TBX6: variants seen among roughly 807,000 people sequenced by gnomAD.
TBX6 encodes the protein T-box transcription factor 6.
Under a neutral mutation model 42.3 loss-of-function variants are expected in TBX6, and 29 were observed. The ratio of observed to expected loss-of-function variants is 0.69; its 90% CI spans 0.51 to 0.93. The LOEUF is 0.93. TBX6 is among the 40% of genes least tolerant of loss of function. The pLI is 0.00. For missense variants in TBX6, 569 were observed against 603.3 expected (o/e 0.94, Z 0.59); for synonymous variants, 249 against 245.1 (o/e 1.02, Z -0.15).
chr16:30,089,061 AG>A lies in TBX6; in HGVS notation c.502del (p.Leu168CysfsTer41), dbSNP rs769671965. On this transcript the variant is annotated frameshift_variant, in exon 4 of 9. Transcript: ENST00000395224. LOFTEE classifies it high-confidence loss of function. ...WEPSGKAEPR[L>X]PDRVYIHPDS... is the part of the protein sequence containing the mutation. ...GGGGTGAATGTAGACACGGTCAGGC[AG>A]GCGGGGCTCTGCCTTGCCGCTGGGC... The A allele has an allele frequency of 6.2e-7, 1 of 1,613,866 alleles. No individual in the cohort carries two copies. Among genetic ancestry groups the A allele is most frequent in the East Asian group, 2.2e-5 (1 of 44,880 alleles).
Position 30,086,379 on chromosome 16 carries a change from A to T in TBX6, c.1157T>A (p.Phe386Tyr). 2 of 1,573,666 alleles carry T rather than the reference A, an allele frequency of 1.3e-6. No individual in the cohort carries two copies. Among genetic ancestry groups the T allele is most frequent in the Non-Finnish European group, 1.7e-6 (2 of 1,167,770 alleles). Residue 386 changes from phenylalanine (F) to tyrosine (Y), a missense_variant, in exon 9 of 9, where the codon TTT (phenylalanine) becomes TAT (tyrosine). Around this residue, in one of 3 missense-constraint regions of TBX6, gnomAD observed 245 missense variants for 227.4 expected, o/e 1.08. Transcript: ENST00000395224. The surrounding 1 kb of genome is among the most constrained non-coding windows in gnomAD (Gnocchi z 4.6). The stretch of plus-strand genomic sequence containing the variant: ...CCCTGACCCGTGCGGCAGCTCCAGA[A>T]ATGCAGCCGAGTAGGGGGCTGAGCG... ...SGRSAPYSAAFLELPHGSGGS... is the reference protein window; with the variant it reads ...SGRSAPYSAAYLELPHGSGGS...
rs11863083 is a variant in TBX6 at position 30,089,468 on chromosome 16, T to C, written c.354-258A>G. ...GGGCAACATAGAAAGACCCCATCTCTACAAAAAAATTAAAAAATTAGCCAG... is the reference window on the plus strand; with the variant it reads ...GGGCAACATAGAAAGACCCCATCTCCACAAAAAAATTAAAAAATTAGCCAG... On this transcript the variant is annotated intron_variant, in intron 3 of 8. Transcript: ENST00000395224. Among the ~76,000 whole-genome samples, 14,105 of 151,922 alleles carry C rather than the reference T, an allele frequency of 0.093. 833 individuals are homozygous for C. Among genetic ancestry groups the C allele is most frequent in the African/African-American group, 0.15 (6,313 of 41,410 alleles).
Position 30,089,064 on chromosome 16 carries a change from C to G in TBX6, c.500G>C (p.Arg167Pro), listed in dbSNP as rs201799291. 1.2e-6 allele frequency: 2 copies of G among 1,613,816 alleles called. No homozygotes were observed. Among genetic ancestry groups the G allele is most frequent in the South Asian group, 2.2e-5 (2 of 91,068 alleles). ...GTGAATGTAGACACGGTCAGGCAGG[C>G]GGGGCTCTGCCTTGCCGCTGGGCTC... ...RWEPSGKAEP[R>P]LPDRVYIHPD... The change falls in exon 4 of 9, where the codon CGC becomes CCC. Residue 167 changes from arginine (R) to proline (P), a missense_variant. Physicochemically the swap from Arg to Pro is moderately radical, Grantham distance 103. This residue lies in a region of TBX6 where 190 missense variants were observed against 250.6 expected (regional missense o/e 0.76). Transcript: ENST00000395224.
Position 30,088,568 on chromosome 16 carries a change from C to T in TBX6, c.816G>A (p.Arg272=). ...IAANPFAKGF[R]ENGRNCKRER... ...ACCTCTTACAGTTTCTGCCGTTCTC[C>T]CGGAAGCCTTTGGCAAAGGGATTGG... is the stretch of plus-strand genomic sequence containing the variant. Residue 272 remains arginine, a synonymous_variant, in exon 6 of 9, where the codon CGG becomes CGA. Transcript: ENST00000395224. The surrounding 1 kb of genome is among the most constrained non-coding windows in gnomAD (Gnocchi z 4.1). 1 of 1,614,214 alleles carries T rather than the reference C, an allele frequency of 6.2e-7. No homozygotes were observed. Among genetic ancestry groups the T allele is most frequent in the African/African-American group, 1.3e-5 (1 of 75,044 alleles).
At chr16:30,090,437 T>G (rs2072703484) in intron 3 of TBX6, among the ~76,000 whole-genome samples, 1 of 152,102 alleles carries the variant, frequency 6.6e-6, no homozygotes, top group East Asian at 1.9e-4. Context: ...CCCCTGTCCT[T>G]GTCTGGATGC....
At position 30,086,816 on chromosome 16, in the gene TBX6, C is replaced by A. The variant is rs1358369924; in HGVS notation, c.875G>T (p.Gly292Val). Residue 292 changes from glycine (G) to valine (V), a missense_variant, in exon 7 of 9, where the codon GGC (glycine) becomes GTC (valine). Transcript: ENST00000395224. The surrounding 1 kb of genome is among the most constrained non-coding windows in gnomAD (Gnocchi z 4.6). The stretch of plus-strand genomic sequence containing the variant: ...GGCCTCTGTGGCTGCTGGCTCTGGG[C>A]CCCGCAGTTTCCTCTTCACACGGGC... ...RDARVKRKLR[G>V]PEPAATEAYG... 2 of 1,613,626 alleles carry A rather than the reference C, an allele frequency of 1.2e-6. No individual in the cohort carries two copies. The highest frequency in any genetic ancestry group is 1.7e-6 in the Non-Finnish European group (2 of 1,179,866).
intron 3 of TBX6, 75 bp from the exon 4 acceptor site, chr16:30,089,285 C>T: frequency 6.5e-7 from 1 of 1,538,024 alleles, no homozygotes; most frequent in Non-Finnish European, 8.8e-7. Flanking sequence ...AGTAACGGGA[C>T]ATAACAACGG....
chr16:30,087,901 T>TC (rs1443055939), intron 6 of TBX6: 1 of 139,048 alleles, frequency 7.2e-6, no homozygotes, highest in African/African-American at 3.2e-5. Flanking sequence ...TTTTTTTCTT[T>TC]TTTTTTTTTT....
Position 30,086,887 on chromosome 16 carries a change from T to C in TBX6, c.840-36A>G. ...GTGGTGGTGATGATGATGATGATGG[T>C]GATGGCCATGGTGATGGTAACAGTA... On this transcript the variant is annotated intron_variant, in intron 6 of 8. Transcript: ENST00000395224. The surrounding 1 kb of genome is among the most constrained non-coding windows in gnomAD (Gnocchi z 4.6). 3 of 1,598,108 alleles carry C rather than the reference T, an allele frequency of 1.9e-6. No individual in the cohort carries two copies. Among genetic ancestry groups the C allele is most frequent in the Non-Finnish European group, 2.6e-6 (3 of 1,173,556 alleles).
Position 30,089,914 on chromosome 16 carries a change from C to G in TBX6, c.354-704G>C, listed in dbSNP as rs142773731. Reference sequence around the variant, plus strand: ...TGCCACTACACTCTAGCCTGGGCAACAGAGCGAGACTCCATCTCAAAAAAA... The same window carrying G: ...TGCCACTACACTCTAGCCTGGGCAAGAGAGCGAGACTCCATCTCAAAAAAA... On this transcript the variant is annotated intron_variant, in intron 3 of 8. Transcript: ENST00000395224. Among the ~76,000 whole-genome samples, 596 of 113,204 alleles carry G rather than the reference C, an allele frequency of 5.3e-3. 2 individuals carry two copies. Among genetic ancestry groups the G allele is most frequent in the Admixed American group, 8.0e-3 (64 of 8,048 alleles). 74.3% of individuals were successfully genotyped at this position (113,204 alleles called of 152,430 possible).
In TBX6 at chr16:30,091,098, T is replaced by C. The variant is rs765821098; in HGVS notation, c.96A>G (p.Leu32=). ...CACCGGGGTAGCGGTAGCCCTCCGC[T>C]AGGGCGGGTGGGAAGCTGGAGTCGG... The part of the protein sequence containing the change: ...PGADSSFPPA[L]AEGYRYPELD... The change falls in exon 2 of 9, where the codon CTA becomes CTG. Residue 32 remains leucine, a synonymous_variant. Coordinates refer to ENST00000395224, the MANE Select transcript of TBX6 (RefSeq NM_004608.4). The C allele has an allele frequency of 1.9e-6, 3 of 1,584,820 alleles. No homozygotes were observed. Among genetic ancestry groups the C allele is most frequent in the Non-Finnish European group, 1.7e-6 (2 of 1,166,316 alleles).
chr16:30,089,953 A>G (rs921064380), intron 3 of TBX6, among the ~76,000 whole-genome samples: 200 of 149,642 alleles, frequency 1.3e-3, no homozygotes, highest in African/African-American at 4.3e-3. Context: ...AAAAAAAAAA[A>G]AAGAAGCCAG....
At position 30,091,141 on chromosome 16, in the gene TBX6, C is replaced by T; in HGVS notation, c.53G>A (p.Gly18Glu). The T allele has an allele frequency of 6.3e-7, 1 of 1,594,526 alleles. No individual in the cohort carries two copies. The highest frequency in any genetic ancestry group is 8.5e-7 in the Non-Finnish European group (1 of 1,172,382). ...YPSLGAGYRL[G>E]PAQPGADSSF... The stretch of plus-strand genomic sequence containing the variant: ...GGAGTCGGCCCCAGGTTGGGCGGGC[C>T]CCAGGCGGTAGCCGGCCCCCAGGGA... Residue 18 changes from glycine to glutamate, a missense_variant, in exon 2 of 9, where the codon GGG becomes GAG. Gly to Glu is a moderately conservative substitution (Grantham distance 98). Coordinates refer to ENST00000395224, the MANE Select transcript of TBX6 (RefSeq NM_004608.4).
chr16:30,091,274 A>G, intron 1 of TBX6, 33 bp from the exon 2 acceptor site: 12 of 1,137,840 alleles, frequency 1.1e-5, no homozygotes, highest in African/African-American at 1.6e-5. Flanking sequence ...CTCACAGCTC[A>G]GCCCCTTCCA....
Position 30,090,622 on chromosome 16 carries a change from C to T in TBX6, c.353+136G>A, listed in dbSNP as rs1447936914. The stretch of plus-strand genomic sequence containing the variant: ...TTCCTGCCACAGAGTAACCCTTGCC[C>T]CAGGCCATAGTCAGATTCTAGGCCT... On this transcript the variant is annotated intron_variant, in intron 3 of 8. Transcript: ENST00000395224. 5.7e-6 allele frequency: 5 copies of T among 878,410 alleles called. No homozygotes were observed. In the East Asian group the frequency reaches 1.4e-4, roughly 24 times the overall value. 54.4% of individuals were successfully genotyped at this position (878,410 alleles called of 1,614,324 possible). A position where few individuals can be genotyped will look rare whatever the true frequency, so the allele number is the denominator to read the frequency against.
At chr16:30,089,729 A>C (rs2072693194) in intron 3 of TBX6, among the ~76,000 whole-genome samples, 1 of 152,150 alleles carries the variant, frequency 6.6e-6, no homozygotes, top group Admixed American at 6.5e-5. Flanking sequence ...CAGAAGTTTG[A>C]GACCAGCCTG....
intron 3 of TBX6, among the ~76,000 whole-genome samples, 176 bp from the exon 4 acceptor site, chr16:30,089,386 A>G (rs1268939375): frequency 6.6e-6 from 1 of 152,164 alleles, no homozygotes; most frequent in Non-Finnish European, 1.5e-5. Flanking sequence ...TCTAATCCCT[A>G]TACTTTGGGA....
intron 3 of TBX6, 105 bp from the exon 4 acceptor site, chr16:30,089,315 G>A (rs1436951657): frequency 6.4e-5 from 92 of 1,433,818 alleles, no homozygotes; most frequent in Non-Finnish European, 8.1e-5. Context: ...AGCTGTCAGA[G>A]AAACATCAAA....
Position 30,088,575 on chromosome 16 carries a change from C to G in TBX6, c.809G>C (p.Gly270Ala). 1 of 1,614,192 alleles carries G rather than the reference C, an allele frequency of 6.2e-7. No homozygotes were observed. The highest frequency in any genetic ancestry group is 8.5e-7 in the Non-Finnish European group (1 of 1,180,042). The part of the protein sequence containing the change: ...LKIAANPFAK[G>A]FRENGRNCKR... ...ACAGTTTCTGCCGTTCTCCCGGAAG[C>G]CTTTGGCAAAGGGATTGGCTGCAAT... The change falls in exon 6 of 9, where the codon GGC becomes GCC. Residue 270 changes from glycine to alanine, a missense_variant. By Grantham distance (60) the Gly-to-Ala change is moderately conservative (BLOSUM62 0). Coordinates refer to ENST00000395224, the MANE Select transcript of TBX6 (RefSeq NM_004608.4). The surrounding 1 kb of genome is among the most constrained non-coding windows in gnomAD (Gnocchi z 4.1).
Sources: gnomAD v4.1 joint callset for allele counts (sites outside exome capture counted in the v4.1 genomes callset) on GRCh38, gnomAD v4.1.1 for gene constraint, gnomAD v4.1.1 regional missense constraint, Gnocchi (gnomAD v3.1) non-coding constraint, MANE v1.5 for transcripts, NCBI Gene and HGNC (gene_info 2026-07-23, HGNC 2026-07-21) for gene names.